The following NEGR1 variants were observed in gnomAD, a reference collection of about 807,000 sequenced individuals.
NEGR1 encodes IgLON family member 4.
In NEGR1, 10 loss-of-function variants were observed where a neutral mutation model predicts 40.9. The observed-to-expected ratio is 0.24, with a 90% confidence interval of 0.15 to 0.42. NEGR1 has a LOEUF of 0.42. Among genes scored for constraint, NEGR1 ranks in the 10% least tolerant of loss-of-function variants. The probability of loss-of-function intolerance (pLI) is 1.00; values close to 1 mark genes in which losing one functional copy is unlikely to be tolerated. For synonymous variants in NEGR1, 185 were observed against 166.8 expected, an observed-to-expected ratio of 1.11 and a Z score of -0.84; for missense variants, 352 against 438.9, an observed-to-expected ratio of 0.80 and a Z score of 1.77.
intron 1 of NEGR1, among the ~76,000 whole-genome samples, chr1:71,970,736 T>C (rs1646249532): frequency 6.6e-6 from 1 of 152,128 alleles, no homozygotes. Context: ...CTATGTCACA[T>C]GACCTTGGGC....
At chr1:71,427,987 T>A (rs187070360) in intron 6 of NEGR1, among the ~76,000 whole-genome samples, 1 of 51,234 alleles carries the variant, frequency 2.0e-5, no homozygotes, top group East Asian at 7.0e-4. Context: ...ACTGAGAGGC[T>A]GATAACACAC....
chr1:71,786,785 G>A (rs535438889), intron 2 of NEGR1, among the ~76,000 whole-genome samples: 1 of 152,306 alleles, frequency 6.6e-6, no homozygotes, highest in Admixed American at 6.5e-5. Flanking sequence ...AATTGGAGTA[G>A]GCTCTTGGCT....
intron 1 of NEGR1, among the ~76,000 whole-genome samples, chr1:72,078,320 G>C (rs1647838171): frequency 6.6e-6 from 1 of 152,056 alleles, no homozygotes; most frequent in African/African-American, 2.4e-5. Flanking sequence ...CCACAAAAAT[G>C]ACTAAAAACA....
At chr1:71,456,561 A>C (rs1646674092) in intron 6 of NEGR1, among the ~76,000 whole-genome samples, 1 of 152,190 alleles carries the variant, frequency 6.6e-6, no homozygotes, top group South Asian at 2.1e-4. Flanking sequence ...AAGGCAGGTA[A>C]ATGTACTTTA....
intron 6 of NEGR1, among the ~76,000 whole-genome samples, chr1:71,577,383 C>T (rs1648998967): frequency 6.6e-6 from 1 of 152,082 alleles, no homozygotes; most frequent in Non-Finnish European, 1.5e-5. Flanking sequence ...TAGGAAGAAG[C>T]CTATAACATG....
At chr1:71,901,641 C>T (rs1020463829) in intron 2 of NEGR1, among the ~76,000 whole-genome samples, 2 of 150,586 alleles carry the variant, frequency 1.3e-5, no homozygotes, top group Non-Finnish European at 3.0e-5. Flanking sequence ...TTTCTAAACA[C>T]CATTTTTCTA....
intron 4 of NEGR1, among the ~76,000 whole-genome samples, chr1:71,668,146 C>CT (rs1244805406): frequency 1.3e-5 from 2 of 152,012 alleles, no homozygotes; most frequent in Admixed American, 6.6e-5. Context: ...ATAGGAATAT[C>CT]TTTTTTGTGT....
chr1:71,748,300 T>A (rs1655452984), intron 3 of NEGR1, among the ~76,000 whole-genome samples: 1 of 152,206 alleles, frequency 6.6e-6, no homozygotes, highest in Non-Finnish European at 1.5e-5. Context: ...AGTTTCTTGA[T>A]AATTAATAAT....
In NEGR1 at chr1:72,282,458, A is replaced by G; in HGVS notation, c.37T>C (p.Ser13Pro). ...MMLLVQGACC[S>P]NQWLAAVLLS... ...AGCACCGCCGCCAGCCACTGGTTCG[A>G]GCAACAAGCACCCTGCACCAACAGC... is the stretch of plus-strand genomic sequence containing the variant. Residue 13 changes from serine (S) to proline (P), a missense_variant, in exon 1 of 7, where the codon TCG becomes CCG. By Grantham distance (74) the Ser-to-Pro change is moderately conservative (BLOSUM62 -1). Coordinates refer to ENST00000357731, the MANE Select transcript of NEGR1 (RefSeq NM_173808.3). 1 of 1,613,578 alleles carries G rather than the reference A, an allele frequency of 6.2e-7. No homozygotes were observed.
chr1:71,725,487 A>T (rs745736346), intron 3 of NEGR1, among the ~76,000 whole-genome samples: 3 of 152,150 alleles, frequency 2.0e-5, no homozygotes, highest in Non-Finnish European at 4.4e-5. Context: ...TTAGTTTTCC[A>T]CTTAATTTTT....
At chr1:71,451,226 A>G (rs1646625563) in intron 6 of NEGR1, among the ~76,000 whole-genome samples, 2 of 152,192 alleles carry the variant, frequency 1.3e-5, no homozygotes, top group South Asian at 2.1e-4. Context: ...CTGCTTTAGC[A>G]TATTCTAACA....
intron 2 of NEGR1, among the ~76,000 whole-genome samples, chr1:71,894,217 TATA>T (rs569072701): frequency 1.5e-5 from 2 of 134,344 alleles, no homozygotes; most frequent in African/African-American, 5.6e-5. Flanking sequence ...AAACTTAAAG[TATA>T]ATAATAATAA....
chr1:71,601,996 C>CA (rs942348263), intron 5 of NEGR1, among the ~76,000 whole-genome samples: 13 of 151,940 alleles, frequency 8.6e-5, no homozygotes, highest in African/African-American at 2.7e-4. Context: ...CTGCTACACA[C>CA]AAAAAAGGGA....
chr1:71,692,613 G>T (rs1371604239), intron 4 of NEGR1, among the ~76,000 whole-genome samples: 1 of 151,662 alleles, frequency 6.6e-6, no homozygotes, highest in Admixed American at 6.6e-5. Context: ...TAAAAAACTG[G>T]TCATTTCCCT....
At chr1:72,199,573 G>A (rs1653128772) in intron 1 of NEGR1, among the ~76,000 whole-genome samples, 1 of 151,906 alleles carries the variant, frequency 6.6e-6, no homozygotes, top group South Asian at 2.1e-4. Flanking sequence ...CATTAAATAA[G>A]TCAATCTCTC....
intron 1 of NEGR1, among the ~76,000 whole-genome samples, chr1:72,190,722 T>C (rs1343464352): frequency 1.3e-5 from 2 of 151,610 alleles, no homozygotes; most frequent in Non-Finnish European, 3.0e-5. Context: ...CATTTGATAA[T>C]GTACCTGAAT....
intron 1 of NEGR1, among the ~76,000 whole-genome samples, chr1:72,050,504 A>G (rs923653643): frequency 8.6e-5 from 13 of 151,516 alleles, no homozygotes; most frequent in Non-Finnish European, 1.3e-4. Context: ...TTTATTCTCT[A>G]AAGTGTTTGT....
chr1:71,653,243 TAC>T (rs1323729258), intron 4 of NEGR1, among the ~76,000 whole-genome samples: 1 of 152,264 alleles, frequency 6.6e-6, no homozygotes, highest in Non-Finnish European at 1.5e-5. Context: ...CCTTTTAATC[TAC>T]AGTCTTTAAT....
intron 4 of NEGR1, among the ~76,000 whole-genome samples, chr1:71,690,107 C>T (rs896715926): frequency 6.6e-6 from 1 of 152,002 alleles, no homozygotes; most frequent in African/African-American, 2.4e-5. Flanking sequence ...CCTAATCATT[C>T]CACTTCTCTC....
Sources: gnomAD v4.1 joint callset for allele counts (sites outside exome capture counted in the v4.1 genomes callset) on GRCh38, gnomAD v4.1.1 for gene constraint, MANE v1.5 for transcripts, NCBI Gene and HGNC (gene_info 2026-07-23, HGNC 2026-07-21) for gene names.